Variants in DCC observed in about 807,000 individuals in gnomAD.
DCC encodes the protein DCC netrin 1 receptor, also known as netrin receptor DCC.
A neutral mutation model predicts 172.5 loss-of-function variants in DCC; 58 were observed. The observed-to-expected ratio is 0.34, with a 90% CI of 0.27 to 0.42. The LOEUF is 0.42. Among genes scored for constraint, DCC ranks in the 10% least tolerant of loss-of-function variants. The probability of loss-of-function intolerance (pLI) is 1.00; values close to 1 mark genes in which losing one functional copy is unlikely to be tolerated. For synonymous variants in DCC, 709 were observed against 644.5 expected (o/e 1.10, Z -1.52); for missense variants, 1,740 against 1,791.0 (o/e 0.97, Z 0.51).
intron 5 of DCC, among the ~76,000 whole-genome samples, chr18:53,045,048 T>C (rs1187549775): frequency 2.0e-5 from 3 of 151,824 alleles, no homozygotes; most frequent in African/African-American, 4.8e-5. Context: ...TATGAAAATA[T>C]ACCAGGGATA....
intron 2 of DCC, among the ~76,000 whole-genome samples, chr18:52,780,032 T>C (rs901694254): frequency 4.0e-5 from 6 of 151,086 alleles, no homozygotes; most frequent in Admixed American, 1.3e-4. Flanking sequence ...TTCCAATCTA[T>C]GGATATAATT....
chr18:52,714,493 C>G (rs79941308), intron 1 of DCC, among the ~76,000 whole-genome samples: 2,476 of 152,176 alleles, frequency 0.016, 86 homozygotes, highest in East Asian at 0.16. Flanking sequence ...GAAAGAAACA[C>G]AGAACATAGG....
At chr18:52,398,125 G>GGTAATGCTT (rs369474729) in intron 1 of DCC, among the ~76,000 whole-genome samples, 18,977 of 151,882 alleles carry the variant, frequency 0.12, 1,343 homozygotes, top group Middle Eastern at 0.16. Context: ...AACTTTGACG[G>GGTAATGCTT]TACATACATT....
chr18:53,008,842 A>C (rs1383592225), intron 5 of DCC, among the ~76,000 whole-genome samples: 2 of 152,036 alleles, frequency 1.3e-5, no homozygotes, highest in African/African-American at 4.8e-5. Context: ...CTGGTTTTTA[A>C]ACAGGTTACA....
intron 2 of DCC, among the ~76,000 whole-genome samples, chr18:52,785,536 G>C (rs2037640063): frequency 6.6e-6 from 1 of 151,960 alleles, no homozygotes; most frequent in Non-Finnish European, 1.5e-5. Context: ...GGTATCATGT[G>C]GGGAAAAGCA....
At chr18:53,129,569 T>A (rs1194730396) in intron 7 of DCC, among the ~76,000 whole-genome samples, 2 of 152,140 alleles carry the variant, frequency 1.3e-5, no homozygotes, top group Admixed American at 1.3e-4. Flanking sequence ...TTCATATAAA[T>A]GGGAATGAAC....
chr18:52,470,746 T>G (rs1270121980), intron 1 of DCC, among the ~76,000 whole-genome samples: 2 of 152,160 alleles, frequency 1.3e-5, no homozygotes, highest in Non-Finnish European at 2.9e-5. Context: ...AAGTATCACA[T>G]TTTCTGAGAG....
At chr18:53,120,565 A>G (rs534983549) in intron 7 of DCC, among the ~76,000 whole-genome samples, 39 of 151,900 alleles carry the variant, frequency 2.6e-4, no homozygotes, top group Admixed American at 2.4e-3. Context: ...GTTTGAATTT[A>G]CAAAAAAATC....
rs370910066 is a variant in DCC at position 53,513,630 on chromosome 18, A to C, written c.4112-12987A>C. Among the ~76,000 whole-genome samples, 34 of 152,252 alleles carry C rather than the reference A, an allele frequency of 2.2e-4. No individual in the cohort carries two copies. In the East Asian group the frequency reaches 2.7e-3, roughly 12 times the overall value. On this transcript the variant is annotated intron_variant, in intron 27 of 28. Transcript: ENST00000442544. ...AAGGATGGAGGAAGATCTACCAAGCAAATGGAAAACAAAAAAAGGCAGGGG... is the reference window on the plus strand; with the variant it reads ...AAGGATGGAGGAAGATCTACCAAGCCAATGGAAAACAAAAAAAGGCAGGGG...
At chr18:52,791,843 T>G (rs2037777450) in intron 2 of DCC, among the ~76,000 whole-genome samples, 1 of 152,132 alleles carries the variant, frequency 6.6e-6, no homozygotes, top group Non-Finnish European at 1.5e-5. Context: ...ATACCCTTAC[T>G]AATTAAGTAC....
intron 1 of DCC, among the ~76,000 whole-genome samples, chr18:52,669,782 C>A (rs1032464668): frequency 6.6e-6 from 1 of 152,018 alleles, no homozygotes; most frequent in Non-Finnish European, 1.5e-5. Context: ...CTGTTCTAGT[C>A]CAGGACAACA....
chr18:52,351,188 C>T (rs1218246413), intron 1 of DCC, among the ~76,000 whole-genome samples: 1 of 151,932 alleles, frequency 6.6e-6, no homozygotes, highest in East Asian at 1.9e-4. Context: ...GCTCAAAGGC[C>T]CCATGGTGGG....
intron 19 of DCC, among the ~76,000 whole-genome samples, chr18:53,404,375 G>A (rs908322711): frequency 8.7e-6 from 1 of 114,754 alleles, no homozygotes; most frequent in Non-Finnish European, 2.0e-5. Context: ...TTTAACTCTG[G>A]AAGAAAGCTT....
At chr18:52,940,747 G>C (rs1368936751) in intron 5 of DCC, among the ~76,000 whole-genome samples, 1 of 152,152 alleles carries the variant, frequency 6.6e-6, no homozygotes, top group African/African-American at 2.4e-5. Flanking sequence ...ATTTCTAGAA[G>C]AAAAGATATC....
chr18:52,506,593 G>A (rs980587795), intron 1 of DCC, among the ~76,000 whole-genome samples: 1 of 152,036 alleles, frequency 6.6e-6, no homozygotes, highest in African/African-American at 2.4e-5. Context: ...ATTTGCCTAT[G>A]TTACTTCAAT....
At chr18:52,685,703 C>G (rs373917537) in intron 1 of DCC, among the ~76,000 whole-genome samples, 25 of 152,252 alleles carry the variant, frequency 1.6e-4, no homozygotes, top group East Asian at 7.8e-4. Flanking sequence ...ATCTCCCTCT[C>G]TTCCTTTCTC....
intron 14 of DCC, among the ~76,000 whole-genome samples, chr18:53,336,033 A>T (rs2057587772): frequency 6.6e-6 from 1 of 152,206 alleles, no homozygotes; most frequent in Admixed American, 6.5e-5. Flanking sequence ...CCTACAATTC[A>T]AGATGAGATT....
chr18:53,158,175 T>G (rs888405181), intron 8 of DCC, among the ~76,000 whole-genome samples: 4 of 152,174 alleles, frequency 2.6e-5, no homozygotes, highest in African/African-American at 9.7e-5. Context: ...AATACTTACC[T>G]TGCAAGGCTT....
At chr18:52,882,759 T>C (rs1233574645) in intron 2 of DCC, among the ~76,000 whole-genome samples, 2 of 152,164 alleles carry the variant, frequency 1.3e-5, no homozygotes, top group African/African-American at 4.8e-5. Context: ...GTACTGTAAA[T>C]AGCTATTAGG....
Sources: allele counts gnomAD v4.1 joint callset (sites outside exome capture counted in the v4.1 genomes callset), GRCh38; gene constraint gnomAD v4.1.1; transcripts MANE v1.5; gene names NCBI Gene and HGNC (gene_info 2026-07-23, HGNC 2026-07-21).